The following PUS1 variants were observed in gnomAD, a reference collection of about 807,000 sequenced individuals.
PUS1 encodes the protein pseudouridine synthase 1, also known as pseudouridylate synthase 1 homolog.
In PUS1, 25 loss-of-function variants were observed where a neutral mutation model predicts 38.5. That is an observed-to-expected ratio of 0.65 (90% CI 0.47 to 0.91). PUS1 has a LOEUF of 0.91. PUS1 is among the 40% of genes least tolerant of loss of function. PUS1 has a pLI of 0.00. For synonymous variants in PUS1, 282 were observed against 260.4 expected (o/e 1.08, Z -0.80); for missense variants, 597 against 612.3 (o/e 0.97, Z 0.26).
Position 131,931,881 on chromosome 12 carries a change from A to G in PUS1, c.304-294A>G, listed in dbSNP as rs1030747829. Reference sequence around the variant, plus strand: ...TTTTTTTAAAGTATAGGTAGCACCCACGGCACTGATTTTGTAACTGACAGA... The same window carrying G: ...TTTTTTTAAAGTATAGGTAGCACCCGCGGCACTGATTTTGTAACTGACAGA... On this transcript the variant is annotated intron_variant, in intron 2 of 5. Coordinates refer to ENST00000376649, the MANE Select transcript of PUS1 (RefSeq NM_025215.6). 4 of 598,326 alleles carry G rather than the reference A, an allele frequency of 6.7e-6. No homozygotes were observed. The African/African-American group carries it at 7.4e-5, about 11-fold the overall frequency. The allele number at this position is 598,326 out of a possible 1,614,324, so 37.1% of individuals were successfully genotyped here.
chr12:131,941,978 G>A lies in PUS1; in HGVS notation c.1231G>A (p.Ala411Thr), dbSNP rs758584053. ...CGCTCTCACGGCAGGTGGCACGGGC[G>A]CCAAGGTAGGGGCACAGTCCCAGCA... ...ATALTAGGTG[A>T]KVPSPLEGSE... The change falls in exon 5 of 6, where the codon GCC becomes ACC. Residue 411 changes from alanine to threonine, a missense_variant. Coordinates refer to ENST00000376649, the MANE Select transcript of PUS1 (RefSeq NM_025215.6). This position sits in a 1 kb window ranked among gnomAD's most constrained non-coding sequence, Gnocchi z 4.4. The A allele has an allele frequency of 6.2e-6, 10 of 1,611,606 alleles. No homozygotes were observed. The highest frequency in any genetic ancestry group is 1.7e-4 in the Middle Eastern group (1 of 6,032).
At chr12:131,939,790 G>A (rs981528671) in intron 4 of PUS1, among the ~76,000 whole-genome samples, 1 of 152,112 alleles carries the variant, frequency 6.6e-6, no homozygotes, top group African/African-American at 2.4e-5. Flanking sequence ...TGGGACTACA[G>A]GTGTGTGCCA....
intron 3 of PUS1, among the ~76,000 whole-genome samples, chr12:131,937,193 T>C (rs1171646954): frequency 3.9e-5 from 6 of 152,234 alleles, no homozygotes; most frequent in Non-Finnish European, 7.3e-5. Context: ...TTTTACTCTT[T>C]CCAACTTTTT....
chr12:131,932,326 T>C lies in PUS1; in HGVS notation c.441+14T>C, dbSNP rs773890771. 2.5e-6 allele frequency: 4 copies of C among 1,612,810 alleles called. No individual in the cohort carries two copies. In the East Asian group the frequency reaches 6.7e-5, roughly 27 times the overall value. ...CGGACAGACAAGGTGGGTGGTGGCC[T>C]TCTCTGCCCCTCCCCCGCTGCTATG... On this transcript the variant is annotated intron_variant, in intron 3 of 5. Transcript: ENST00000376649.
intron 3 of PUS1, among the ~76,000 whole-genome samples, chr12:131,938,055 G>C (rs1890907268): frequency 6.6e-6 from 1 of 151,924 alleles, no homozygotes; most frequent in Non-Finnish European, 1.5e-5. Context: ...TCTTTGATGT[G>C]GCATGCCTTT....
At position 131,941,157 on chromosome 12, in the gene PUS1, G is replaced by T; in HGVS notation, c.545-135G>T. 1.3e-6 allele frequency: 1 copy of T among 751,528 alleles called. No individual in the cohort carries two copies. The highest frequency in any genetic ancestry group is 2.3e-6 in the Non-Finnish European group (1 of 441,588). 46.6% of individuals were successfully genotyped at this position (751,528 alleles called of 1,614,324 possible). On this transcript the variant is annotated intron_variant, in intron 4 of 5. Transcript: ENST00000376649. The surrounding 1 kb of genome is among the most constrained non-coding windows in gnomAD (Gnocchi z 4.4). ...AGCCTGTGGCTGCCCCCTCCCCAGA[G>T]AAGCCGATGCTTGCTGGAGCTTGGT... is the stretch of plus-strand genomic sequence containing the variant.
At chr12:131,940,426 C>T (rs1259458167) in intron 4 of PUS1, among the ~76,000 whole-genome samples, 1 of 152,118 alleles carries the variant, frequency 6.6e-6, no homozygotes. Context: ...TGTGGGTGTG[C>T]CACGGATTGT....
At chr12:131,936,171 A>T (rs1392088579) in intron 3 of PUS1, among the ~76,000 whole-genome samples, 1 of 151,428 alleles carries the variant, frequency 6.6e-6, no homozygotes, top group Admixed American at 6.6e-5. Context: ...AGATGGTGCC[A>T]CTGCACTGCA....
chr12:131,942,612 T>C (rs1292909242), intron 5 of PUS1, among the ~76,000 whole-genome samples: 2 of 152,192 alleles, frequency 1.3e-5, no homozygotes, highest in East Asian at 1.9e-4. Flanking sequence ...TTCACCATGT[T>C]AGCCAGGATG....
intron 3 of PUS1, chr12:131,932,530 C>G (rs540567745): frequency 6.6e-6 from 4 of 605,232 alleles, no homozygotes; most frequent in South Asian, 5.8e-5. Flanking sequence ...TGTGTTCTCT[C>G]TGGTCTTTGC....
chr12:131,933,624 A>G (rs893364216), intron 3 of PUS1, among the ~76,000 whole-genome samples: 2 of 152,240 alleles, frequency 1.3e-5, no homozygotes, highest in African/African-American at 2.4e-5. Context: ...GTGGAAGCAC[A>G]TGCCAAGTGG....
intron 3 of PUS1, 135 bp downstream of exon 3, chr12:131,932,447 T>C (rs1018807776): frequency 6.6e-6 from 7 of 1,061,162 alleles, no homozygotes; most frequent in East Asian, 2.6e-5. Context: ...CTACGCCTTA[T>C]GTAGGTGAGA....
intron 3 of PUS1, among the ~76,000 whole-genome samples, chr12:131,937,650 A>G (rs1173905522): frequency 6.6e-6 from 1 of 152,196 alleles, no homozygotes; most frequent in Non-Finnish European, 1.5e-5. Context: ...TGCTGGGATT[A>G]CAGGCATGAA....
rs1489341071 is a variant in PUS1, at chr12:131,944,644, C to G, written c.*1058C>G. 6.6e-6 allele frequency: 1 copy of G among 152,598 alleles called. No homozygotes were observed. The highest frequency in any genetic ancestry group is 2.4e-5 in the African/African-American group (1 of 41,484). 9.5% of individuals were successfully genotyped at this position (152,598 alleles called of 1,614,324 possible). A position where few individuals can be genotyped will look rare whatever the true frequency, so the allele number is the denominator to read the frequency against. On this transcript the variant is annotated 3_prime_UTR_variant, in exon 6 of 6. Transcript: ENST00000376649. ...CGAGAGGGGTGGCAGCCACGGGCTC[C>G]TCTTCCTAGACAGCCCCATGCGTGC...
intron 3 of PUS1, among the ~76,000 whole-genome samples, chr12:131,933,484 C>T (rs1890699195): frequency 6.6e-6 from 1 of 152,212 alleles, no homozygotes; most frequent in African/African-American, 2.4e-5. Context: ...AATCCACCAC[C>T]CTGGACCTGT....
chr12:131,936,069 G>C (rs369456454), intron 3 of PUS1, among the ~76,000 whole-genome samples: 1 of 151,206 alleles, frequency 6.6e-6, no homozygotes, highest in South Asian at 2.1e-4. Flanking sequence ...AAATTAGCCG[G>C]GTGTGTTGGT....
rs1477703564 is a variant in PUS1, at chr12:131,941,658, T to C, written c.911T>C (p.Ile304Thr). 2.5e-6 allele frequency: 4 copies of C among 1,614,050 alleles called. No homozygotes were observed. The highest frequency in any genetic ancestry group is 3.4e-6 in the Non-Finnish European group (4 of 1,180,000). The change falls in exon 5 of 6, where the codon ATT becomes ACT. Residue 304 changes from isoleucine to threonine, a missense_variant. Transcript: ENST00000376649. The surrounding 1 kb of genome is among the most constrained non-coding windows in gnomAD (Gnocchi z 4.4). The part of the protein sequence containing the change: ...IRKMVGLVVA[I>T]VKGYAPESVL... ...AAGATGGTCGGCCTGGTGGTGGCCA[T>C]TGTGAAGGGTTATGCCCCTGAGAGC... is the stretch of plus-strand genomic sequence containing the variant.
chr12:131,942,483 T>G (rs1297124431), intron 5 of PUS1, among the ~76,000 whole-genome samples: 1 of 152,116 alleles, frequency 6.6e-6, no homozygotes, highest in East Asian at 1.9e-4. Flanking sequence ...CTCGGCTCAC[T>G]GCAAGCTCCG....
chr12:131,940,236 G>A (rs568599034), intron 4 of PUS1, among the ~76,000 whole-genome samples: 5 of 152,158 alleles, frequency 3.3e-5, no homozygotes, highest in East Asian at 1.9e-4. Flanking sequence ...TCGCCATGTC[G>A]CCCAGGCTGG....
Sources: gnomAD v4.1 joint callset for allele counts (sites outside exome capture counted in the v4.1 genomes callset) on GRCh38, gnomAD v4.1.1 for gene constraint, Gnocchi (gnomAD v3.1) non-coding constraint, MANE v1.5 for transcripts, NCBI Gene and HGNC (gene_info 2026-07-23, HGNC 2026-07-21) for gene names.